PPARG: variants seen among roughly 807,000 people sequenced by gnomAD.
The protein encoded by PPARG is peroxisome proliferator activated receptor gamma.
A neutral mutation model predicts 39.2 loss-of-function variants in PPARG; 17 were observed. That is an observed-to-expected ratio of 0.43 (90% confidence interval 0.30 to 0.65). PPARG has a LOEUF of 0.65. Ranked by LOEUF, PPARG falls within the 30% of genes least tolerant of loss-of-function variation. The pLI is 0.13. For missense variants in PPARG, 406 were observed against 585.9 expected (o/e 0.69, Z 3.17); for synonymous variants, 223 against 215.7 (o/e 1.03, Z -0.30).
At chr3:12,408,812 A>C (rs1049195311) in intron 6 of PPARG, among the ~76,000 whole-genome samples, 7 of 145,544 alleles carry the variant, frequency 4.8e-5, no homozygotes, top group African/African-American at 1.9e-4. Flanking sequence ...TCAACTTAAT[A>C]GTACCAGAAA....
chr3:12,423,438 C>G (rs1297577426), intron 7 of PPARG, among the ~76,000 whole-genome samples: 4 of 152,192 alleles, frequency 2.6e-5, no homozygotes, highest in Non-Finnish European at 5.9e-5. Flanking sequence ...CCCATAGCTG[C>G]CCTTCAAACT....
chr3:12,399,330 C>T (rs770608328), intron 5 of PPARG: 1 of 456,352 alleles, frequency 2.2e-6, no homozygotes, highest in South Asian at 1.5e-5. Context: ...GCTAAAGTTG[C>T]TCCTTGTTTT....
chr3:12,323,657 A>G (rs1237307036), intron 2 of PPARG, among the ~76,000 whole-genome samples: 1 of 152,118 alleles, frequency 6.6e-6, no homozygotes, highest in African/African-American at 2.4e-5. Flanking sequence ...CTGCTGGTGC[A>G]AGGTTAATCT....
intron 2 of PPARG, among the ~76,000 whole-genome samples, chr3:12,365,186 A>G (rs2048974972): frequency 1.3e-5 from 2 of 152,214 alleles, no homozygotes; most frequent in African/African-American, 4.8e-5. Context: ...AGCTCAGGCT[A>G]TAATGCTTGC....
chr3:12,337,358 T>G lies in PPARG; in HGVS notation c.-9+24905T>G, dbSNP rs531106420. ...GTAGGTACATTGTTCTGAGTAGAAC[T>G]TATGTGTTAGGAAATAGGGAACAAA... On this transcript the variant is annotated intron_variant, in intron 2 of 7. Coordinates refer to ENST00000651735, the MANE Select transcript of PPARG (RefSeq NM_138711.6). Among the ~76,000 whole-genome samples, 4 of 152,306 alleles carry G rather than the reference T, an allele frequency of 2.6e-5. No homozygotes were observed. The East Asian group carries it at 7.7e-4, about 29-fold the overall frequency.
rs4135331 is a variant in PPARG at position 12,390,792 on chromosome 3, C to T, written c.391-1822C>T. On this transcript the variant is annotated intron_variant, in intron 4 of 7. Transcript: ENST00000651735. ...CCAGAGTAGTAGCTGTGACTACAGG[C>T]GCATGCCACCACACCTGCCTAAATT... Among the ~76,000 whole-genome samples the T allele has an allele frequency of 5.6e-3, 846 of 151,730 alleles. 11 individuals are homozygous for T. Among genetic ancestry groups the T allele is most frequent in the African/African-American group, 0.019 (784 of 41,386 alleles).
chr3:12,353,898 T>G (rs1447030940), intron 2 of PPARG, among the ~76,000 whole-genome samples: 4 of 152,218 alleles, frequency 2.6e-5, no homozygotes, highest in Non-Finnish European at 1.5e-5. Context: ...TGCCTCCTGC[T>G]TTTAGTGCCA....
chr3:12,396,148 G>A (rs1261508005), intron 5 of PPARG, among the ~76,000 whole-genome samples: 2 of 151,714 alleles, frequency 1.3e-5, no homozygotes, highest in Non-Finnish European at 2.9e-5. Context: ...TTGAGATGGA[G>A]TCTCGCTCTG....
intron 1 of PPARG, among the ~76,000 whole-genome samples, chr3:12,311,865 G>A (rs1037761106): frequency 6.6e-6 from 1 of 152,094 alleles, no homozygotes; most frequent in Non-Finnish European, 1.5e-5. Flanking sequence ...AAGTGGTGTG[G>A]CACACAACTG....
chr3:12,385,724 C>G (rs927500795), intron 4 of PPARG, among the ~76,000 whole-genome samples: 6 of 152,104 alleles, frequency 3.9e-5, no homozygotes, highest in African/African-American at 1.4e-4. Flanking sequence ...ACTTGTATGT[C>G]TATTCATCCC....
At chr3:12,337,600 C>T (rs962605532) in intron 2 of PPARG, among the ~76,000 whole-genome samples, 1 of 152,116 alleles carries the variant, frequency 6.6e-6, no homozygotes, top group African/African-American at 2.4e-5. Context: ...GACTTAAGAG[C>T]AGAGCTGTTG....
At chr3:12,420,525 G>A (rs709157) in intron 7 of PPARG, among the ~76,000 whole-genome samples, 32,896 of 152,186 alleles carry the variant, frequency 0.22, 4,485 homozygotes, top group Non-Finnish European at 0.3. Flanking sequence ...GCCTCATTCT[G>A]AGCTGGCTGT....
At chr3:12,303,902 C>A (rs1025792072) in intron 1 of PPARG, among the ~76,000 whole-genome samples, 9 of 152,196 alleles carry the variant, frequency 5.9e-5, no homozygotes, top group Non-Finnish European at 1.2e-4. Flanking sequence ...ATATTTTCTT[C>A]ATAACTGGCT....
At chr3:12,381,232 G>A (rs1575087251) in intron 3 of PPARG, 90 bp from the exon 4 acceptor site, 19 of 1,226,118 alleles carry the variant, frequency 1.5e-5, no homozygotes, top group Non-Finnish European at 2.1e-5. Flanking sequence ...TACAAATACA[G>A]CATGAAGGTG....
intron 1 of PPARG, among the ~76,000 whole-genome samples, chr3:12,291,065 G>T: frequency 6.6e-6 from 1 of 152,130 alleles, no homozygotes; most frequent in East Asian, 1.9e-4. Context: ...TGTGGCAAAT[G>T]TACTGGAAGA....
chr3:12,365,137 A>G (rs910847248), intron 2 of PPARG, among the ~76,000 whole-genome samples: 1 of 152,194 alleles, frequency 6.6e-6, no homozygotes, highest in Non-Finnish European at 1.5e-5. Context: ...TTGTGGTCCT[A>G]TGAGAATCTA....
intron 3 of PPARG, among the ~76,000 whole-genome samples, chr3:12,380,464 A>T (rs765604328): frequency 7.9e-5 from 12 of 152,186 alleles, no homozygotes; most frequent in Non-Finnish European, 2.9e-5. Context: ...CTAAATCAAC[A>T]TCAAAACATC....
At chr3:12,355,684 A>C (rs544983546) in intron 2 of PPARG, among the ~76,000 whole-genome samples, 54 of 152,334 alleles carry the variant, frequency 3.5e-4, no homozygotes, top group African/African-American at 1.3e-3. Flanking sequence ...GAATTATAGG[A>C]AACACCCCAA....
rs569664620 is a variant in PPARG, at chr3:12,418,143, T to A, written c.1180+989T>A. On this transcript the variant is annotated intron_variant, in intron 7 of 7. Coordinates refer to ENST00000651735, the MANE Select transcript of PPARG (RefSeq NM_138711.6). Reference sequence around the variant, plus strand: ...CAACATGCCCTGCTAATTTTAAAAATTTTTTTGTAGAGATGAGGTCTCATT... The same window carrying A: ...CAACATGCCCTGCTAATTTTAAAAAATTTTTTGTAGAGATGAGGTCTCATT... Among the ~76,000 whole-genome samples the A allele has an allele frequency of 7.5e-3, 1,148 of 152,130 alleles. 15 individuals are homozygous for A. The highest frequency in any genetic ancestry group is 0.075 in the Middle Eastern group (22 of 294).
Sources: allele counts gnomAD v4.1 joint callset (sites outside exome capture counted in the v4.1 genomes callset), GRCh38; gene constraint gnomAD v4.1.1; transcripts MANE v1.5; gene names NCBI Gene and HGNC (gene_info 2026-07-23, HGNC 2026-07-21).